The following LDB2 variants were observed in gnomAD, a reference collection of about 807,000 sequenced individuals.
LDB2 encodes LIM domain binding 2.
A neutral mutation model predicts 44.3 loss-of-function variants in LDB2; 12 were observed. The observed-to-expected ratio is 0.27, with a 90% CI of 0.17 to 0.44. The LOEUF (loss-of-function observed/expected upper bound fraction) is 0.44. Ranked by LOEUF, LDB2 falls within the 20% of genes least tolerant of loss-of-function variation. LDB2 has a pLI of 1.00. For synonymous variants in LDB2, 164 were observed against 174.8 expected (o/e 0.94, Z 0.49); for missense variants, 344 against 473.5 (o/e 0.73, Z 2.54).
At chr4:16,896,387 C>A (rs928542014) in intron 1 of LDB2, among the ~76,000 whole-genome samples, 1 of 151,986 alleles carries the variant, frequency 6.6e-6, no homozygotes, top group Non-Finnish European at 1.5e-5. Context: ...GGAAACAAAC[C>A]TGGGACCATA....
intron 2 of LDB2, among the ~76,000 whole-genome samples, chr4:16,746,596 G>A (rs911881313): frequency 6.6e-6 from 1 of 152,126 alleles, no homozygotes; most frequent in African/African-American, 2.4e-5. Flanking sequence ...AGATCAGCCT[G>A]GCCAACATGG....
At position 16,808,628 on chromosome 4, in the gene LDB2, C is replaced by G. The variant is rs11929734; in HGVS notation, c.133-49368G>C. Among the ~76,000 whole-genome samples the G allele has an allele frequency of 4.0e-3, 616 of 152,166 alleles. 4 individuals carry two copies. The highest frequency in any genetic ancestry group is 0.014 in the African/African-American group (595 of 41,514). On this transcript the variant is annotated intron_variant, in intron 1 of 7. Transcript: ENST00000304523. ...TTGATTTAGCAGCTTACTTTTCTAC[C>G]AAAAGCCGAGGTCCATGGATGCCTA...
At chr4:16,755,906 G>T (rs1254039227) in intron 2 of LDB2, among the ~76,000 whole-genome samples, 5 of 152,114 alleles carry the variant, frequency 3.3e-5, no homozygotes, top group Non-Finnish European at 5.9e-5. Context: ...CCATCCTGAA[G>T]CTCTCCCCAC....
chr4:16,562,540 G>A (rs1319976241), intron 5 of LDB2, among the ~76,000 whole-genome samples: 1 of 152,190 alleles, frequency 6.6e-6, no homozygotes, highest in Non-Finnish European at 1.5e-5. Flanking sequence ...CAGTTACAAT[G>A]GCAGTCATTA....
At chr4:16,603,182 A>G (rs557399940) in intron 2 of LDB2, among the ~76,000 whole-genome samples, 3 of 152,340 alleles carry the variant, frequency 2.0e-5, no homozygotes, top group Non-Finnish European at 4.4e-5. Context: ...GTCCAGAGCA[A>G]TGGAGACCTC....
intron 2 of LDB2, among the ~76,000 whole-genome samples, chr4:16,755,693 C>G (rs78286885): frequency 5.9e-5 from 9 of 152,146 alleles, no homozygotes; most frequent in Non-Finnish European, 1.3e-4. Flanking sequence ...CTTTATTCTA[C>G]TGACCTGCTG....
intron 2 of LDB2, among the ~76,000 whole-genome samples, chr4:16,668,490 A>C (rs1445406730): frequency 2.0e-5 from 3 of 152,188 alleles, no homozygotes; most frequent in Non-Finnish European, 4.4e-5. Flanking sequence ...CTGTGCAGGG[A>C]CATTTCTAGA....
chr4:16,776,082 G>A (rs896243814), intron 1 of LDB2, among the ~76,000 whole-genome samples: 2 of 152,240 alleles, frequency 1.3e-5, no homozygotes, highest in South Asian at 2.1e-4. Flanking sequence ...AGAACTTTTC[G>A]CTTTCCCCCT....
intron 5 of LDB2, among the ~76,000 whole-genome samples, chr4:16,541,803 A>G (rs1733866570): frequency 6.6e-6 from 1 of 152,220 alleles, no homozygotes; most frequent in Non-Finnish European, 1.5e-5. Flanking sequence ...GCTACCATGC[A>G]TGACAGCACT....
intron 1 of LDB2, among the ~76,000 whole-genome samples, chr4:16,877,771 G>A (rs945862548): frequency 7.2e-5 from 11 of 152,308 alleles, no homozygotes; most frequent in Admixed American, 3.3e-4. Context: ...CATTGTGTCA[G>A]ACACTGCTTA....
At position 16,661,507 on chromosome 4, in the gene LDB2, T is replaced by C. The variant is rs577854128; in HGVS notation, c.236-65632A>G. Reference sequence around the variant, plus strand: ...GTTTCCTCATCTTCAGTGGGGATGATACAATTACCTACTTCCTAGGGCTGT... The same window carrying C: ...GTTTCCTCATCTTCAGTGGGGATGACACAATTACCTACTTCCTAGGGCTGT... On this transcript the variant is annotated intron_variant, in intron 2 of 7. Transcript: ENST00000304523. Among the ~76,000 whole-genome samples the C allele has an allele frequency of 1.3e-3, 194 of 152,338 alleles. 1 individual carries two copies. The highest frequency in any genetic ancestry group is 2.4e-3 in the Non-Finnish European group (163 of 68,022).
intron 2 of LDB2, among the ~76,000 whole-genome samples, chr4:16,654,382 A>G (rs1261336220): frequency 2.0e-5 from 3 of 152,192 alleles, no homozygotes; most frequent in African/African-American, 4.8e-5. Context: ...GAAAAATGAT[A>G]AAGAGTGTGG....
chr4:16,664,220 T>C (rs1294354541), intron 2 of LDB2, among the ~76,000 whole-genome samples: 3 of 152,186 alleles, frequency 2.0e-5, no homozygotes, highest in Non-Finnish European at 2.9e-5. Flanking sequence ...TTCACAAAGC[T>C]GCATTGCCTC....
chr4:16,765,090 A>C (rs535483271), intron 1 of LDB2, among the ~76,000 whole-genome samples: 1 of 152,332 alleles, frequency 6.6e-6, no homozygotes, highest in African/African-American at 2.4e-5. Flanking sequence ...CACGCTCTTA[A>C]AACACAACCA....
At chr4:16,687,997 C>T (rs2152575416) in intron 2 of LDB2, among the ~76,000 whole-genome samples, 1 of 152,258 alleles carries the variant, frequency 6.6e-6, no homozygotes, top group South Asian at 2.1e-4. Flanking sequence ...AGGCATTGGG[C>T]TAAATTTTTT....
At chr4:16,874,324 T>G (rs1717703079) in intron 1 of LDB2, among the ~76,000 whole-genome samples, 1 of 152,182 alleles carries the variant, frequency 6.6e-6, no homozygotes, top group African/African-American at 2.4e-5. Flanking sequence ...AAAAATCCCG[T>G]GTCTATATTT....
At chr4:16,611,826 A>T (rs1006623004) in intron 2 of LDB2, among the ~76,000 whole-genome samples, 5 of 152,126 alleles carry the variant, frequency 3.3e-5, no homozygotes, top group Admixed American at 1.3e-4. Flanking sequence ...ATTAACAAGG[A>T]TATCCAGGAC....
At chr4:16,706,723 A>C (rs1475713450) in intron 2 of LDB2, among the ~76,000 whole-genome samples, 3 of 152,226 alleles carry the variant, frequency 2.0e-5, no homozygotes, top group Admixed American at 2.0e-4. Flanking sequence ...CGTAGAAGAA[A>C]TCTGGGGAGA....
intron 1 of LDB2, among the ~76,000 whole-genome samples, chr4:16,807,686 T>C (rs1779041697): frequency 1.3e-5 from 2 of 152,196 alleles, no homozygotes; most frequent in African/African-American, 2.4e-5. Context: ...CACAAGCCCT[T>C]CCTGCCCTGG....
Sources: allele counts gnomAD v4.1 joint callset (sites outside exome capture counted in the v4.1 genomes callset), GRCh38; gene constraint gnomAD v4.1.1; transcripts MANE v1.5; gene names NCBI Gene and HGNC (gene_info 2026-07-23, HGNC 2026-07-21).